SDK1: variants seen among roughly 807,000 people sequenced by gnomAD.
The protein encoded by SDK1 is protein sidekick-1.
Under a neutral mutation model 245.5 loss-of-function variants are expected in SDK1, and 157 were observed. The observed-to-expected ratio is 0.64, with a 90% CI of 0.56 to 0.73. The LOEUF (loss-of-function observed/expected upper bound fraction) is 0.73, where lower values mean the gene tolerates loss of function less well. Among genes scored for constraint, SDK1 ranks in the 30% least tolerant of loss-of-function variants. SDK1 has a pLI of 0.00. For synonymous variants in SDK1, 1,647 were observed against 1,278.5 expected (o/e 1.29, Z -6.15); for missense variants, 3,583 against 3,002.3 (o/e 1.19, Z -4.52).
intron 4 of SDK1, among the ~76,000 whole-genome samples, chr7:3,709,445 C>T (rs1784976377): frequency 6.6e-6 from 1 of 152,200 alleles, no homozygotes; most frequent in Admixed American, 6.5e-5. Context: ...AGGGTTAAGG[C>T]TTTCTCTGTG....
intron 28 of SDK1, among the ~76,000 whole-genome samples, chr7:4,139,936 C>T (rs530296700): frequency 6.6e-6 from 1 of 152,182 alleles, no homozygotes; most frequent in East Asian, 1.9e-4. Flanking sequence ...GGGGCAGGGC[C>T]CCAGGCCTCC....
chr7:3,911,480 C>T (rs115646514), intron 5 of SDK1, among the ~76,000 whole-genome samples: 2,449 of 152,236 alleles, frequency 0.016, 69 homozygotes, highest in African/African-American at 0.055. Flanking sequence ...CCTCACATGG[C>T]GGAAAGGGCA....
chr7:4,241,897 A>G lies in SDK1; in HGVS notation c.6235A>G (p.Lys2079Glu). ...CCTCAATGTCAAGAGCACCTTCTCCAAGAAGAACGGGACCAGGTAGGCAGG... is the reference window on the plus strand; with the variant it reads ...CCTCAATGTCAAGAGCACCTTCTCCGAGAAGAACGGGACCAGGTAGGCAGG... ...RHLNVKSTFS[K>E]KNGTRSPPRP... Residue 2079 changes from lysine (K) to glutamate (E), a missense_variant, in exon 43 of 45, where the codon AAG becomes GAG. Coordinates refer to ENST00000404826, the MANE Select transcript of SDK1 (RefSeq NM_152744.4). 1 of 1,613,726 alleles carries G rather than the reference A, an allele frequency of 6.2e-7. No homozygotes were observed. The highest frequency in any genetic ancestry group is 2.2e-5 in the East Asian group (1 of 44,868).
intron 1 of SDK1, among the ~76,000 whole-genome samples, chr7:3,589,864 G>T (rs549750068): frequency 6.6e-6 from 1 of 152,260 alleles, no homozygotes; most frequent in African/African-American, 2.4e-5. Flanking sequence ...TATAATATTT[G>T]CATAATACCC....
At chr7:4,079,667 T>A in intron 22 of SDK1, 83 bp downstream of exon 22, 1 of 1,564,230 alleles carries the variant, frequency 6.4e-7, no homozygotes, top group Non-Finnish European at 8.7e-7. Context: ...CTGCAGATGA[T>A]GGCTTGGGGT....
chr7:4,181,005 C>T (rs1032952217), intron 35 of SDK1, among the ~76,000 whole-genome samples: 26 of 152,182 alleles, frequency 1.7e-4, no homozygotes, highest in African/African-American at 5.3e-4. Context: ...TGCAGTTCAG[C>T]GGCATTCAGG....
At chr7:3,817,598 G>C (rs12155451) in intron 4 of SDK1, among the ~76,000 whole-genome samples, 24,559 of 152,166 alleles carry the variant, frequency 0.16, 2,121 homozygotes, top group Middle Eastern at 0.33. Flanking sequence ...CCTGAAGGCA[G>C]CTGATCTGGT....
intron 1 of SDK1, among the ~76,000 whole-genome samples, chr7:3,540,859 T>C (rs1779034249): frequency 6.6e-6 from 1 of 152,230 alleles, no homozygotes; most frequent in African/African-American, 2.4e-5. Flanking sequence ...TCAAGGAATT[T>C]ACATGAAACT....
intron 4 of SDK1, among the ~76,000 whole-genome samples, chr7:3,695,962 T>A (rs937117081): frequency 6.6e-6 from 1 of 152,184 alleles, no homozygotes; most frequent in Non-Finnish European, 1.5e-5. Flanking sequence ...CTGACGCTCA[T>A]TGGCTTCCTG....
rs183736859 is a variant in SDK1, at chr7:3,800,383, T to G, written c.714-21067T>G. ...CTTACTTACTTACTTATTTATTTATTTATTTATTTATTTATTGAGACAGAG... is the reference window on the plus strand; with the variant it reads ...CTTACTTACTTACTTATTTATTTATGTATTTATTTATTTATTGAGACAGAG... On this transcript the variant is annotated intron_variant, in intron 4 of 44. Coordinates refer to ENST00000404826, the MANE Select transcript of SDK1 (RefSeq NM_152744.4). Among the ~76,000 whole-genome samples the G allele has an allele frequency of 5.9e-5, 9 of 151,920 alleles. No homozygotes were observed. The East Asian group carries it at 1.7e-3, about 29-fold the overall frequency.
chr7:3,749,219 C>T (rs1779708793), intron 4 of SDK1, among the ~76,000 whole-genome samples: 2 of 152,270 alleles, frequency 1.3e-5, no homozygotes, highest in African/African-American at 4.8e-5. Context: ...TCACTGCAAC[C>T]TCCGCCTCCT....
At chr7:4,224,118 C>T (rs1785283704) in intron 40 of SDK1, among the ~76,000 whole-genome samples, 1 of 152,218 alleles carries the variant, frequency 6.6e-6, no homozygotes, top group African/African-American at 2.4e-5. Flanking sequence ...ACACGAGTTC[C>T]CAGGAACCTG....
At chr7:4,005,707 T>C (rs1228180615) in intron 14 of SDK1, among the ~76,000 whole-genome samples, 1 of 152,030 alleles carries the variant, frequency 6.6e-6, no homozygotes, top group African/African-American at 2.4e-5. Flanking sequence ...TATTATGTAT[T>C]AATAATATGA....
chr7:3,968,915 G>T (rs1023827671), intron 10 of SDK1, among the ~76,000 whole-genome samples: 2 of 152,188 alleles, frequency 1.3e-5, no homozygotes, highest in Non-Finnish European at 2.9e-5. Context: ...TGCATAGCTG[G>T]GGAGGCCTCA....
At chr7:3,540,507 A>G (rs1779024098) in intron 1 of SDK1, among the ~76,000 whole-genome samples, 1 of 152,088 alleles carries the variant, frequency 6.6e-6, no homozygotes, top group Non-Finnish European at 1.5e-5. Flanking sequence ...GCGCAGTTAA[A>G]GAACCAGAGA....
At chr7:3,641,736 G>A (rs981848336) in intron 3 of SDK1, among the ~76,000 whole-genome samples, 1 of 152,244 alleles carries the variant, frequency 6.6e-6, no homozygotes, top group Non-Finnish European at 1.5e-5. Context: ...GCTTTGCTGA[G>A]GAATGTGCAG....
chr7:3,508,548 G>A (rs778623160), intron 1 of SDK1, among the ~76,000 whole-genome samples: 6 of 151,854 alleles, frequency 4.0e-5, no homozygotes, highest in African/African-American at 1.5e-4. Context: ...GGCTGGTCTC[G>A]AACTCCTGAC....
intron 4 of SDK1, among the ~76,000 whole-genome samples, chr7:3,688,454 G>C (rs73039949): frequency 6.6e-6 from 1 of 152,212 alleles, no homozygotes; most frequent in Non-Finnish European, 1.5e-5. Flanking sequence ...CTGAAGGAGT[G>C]TTATAAAGAA....
At chr7:3,688,521 C>T (rs1005270763) in intron 4 of SDK1, among the ~76,000 whole-genome samples, 1 of 152,216 alleles carries the variant, frequency 6.6e-6, no homozygotes, top group African/African-American at 2.4e-5. Context: ...GCCAGCTTTG[C>T]TGCCGTTGTT....
Sources: gnomAD v4.1 joint callset for allele counts (sites outside exome capture counted in the v4.1 genomes callset) on GRCh38, gnomAD v4.1.1 for gene constraint, MANE v1.5 for transcripts, NCBI Gene and HGNC (gene_info 2026-07-23, HGNC 2026-07-21) for gene names.